The following MICU3 variants were observed in gnomAD, a reference collection of about 807,000 sequenced individuals.
MICU3 encodes the protein calcium uptake protein 3, mitochondrial.
A neutral mutation model predicts 66.5 loss-of-function variants in MICU3; 62 were observed. The ratio of observed to expected loss-of-function variants is 0.93; its 90% CI spans 0.76 to 1.15. The LOEUF is 1.15. Ranked by LOEUF, MICU3 falls within the 50% of genes most tolerant of loss-of-function variation. The probability of loss-of-function intolerance (pLI) is 0.00; values close to 1 mark genes in which losing one functional copy is unlikely to be tolerated. For synonymous variants in MICU3, 308 were observed against 240.7 expected (o/e 1.28, Z -2.59); for missense variants, 779 against 664.4 (o/e 1.17, Z -1.90).
chr8:17,057,997 G>A (rs1177927290), intron 1 of MICU3, among the ~76,000 whole-genome samples: 3 of 151,966 alleles, frequency 2.0e-5, no homozygotes, highest in African/African-American at 4.8e-5. Flanking sequence ...ACAGGCACTC[G>A]CCACCACACC....
At chr8:17,078,154 A>G (rs562896448) in intron 4 of MICU3, among the ~76,000 whole-genome samples, 25 of 152,084 alleles carry the variant, frequency 1.6e-4, no homozygotes, top group African/African-American at 5.5e-4. Flanking sequence ...TTGTTCTTCA[A>G]CCATATCAAA....
the MICU3 span, among the ~76,000 whole-genome samples, chr8:17,133,889 A>C: frequency 6.6e-6 from 1 of 152,236 alleles, no homozygotes; most frequent in Non-Finnish European, 1.5e-5. Flanking sequence ...CATTTGGACT[A>C]TCTGGCTGTT....
chr8:17,092,963 C>A (rs945602941), intron 8 of MICU3, among the ~76,000 whole-genome samples: 1 of 151,938 alleles, frequency 6.6e-6, no homozygotes, highest in Non-Finnish European at 1.5e-5. Context: ...AGCAGTGACC[C>A]GCTTGGCTTT....
chr8:17,124,665 T>C (rs1008839069), downstream of MICU3, among the ~76,000 whole-genome samples: 2 of 151,886 alleles, frequency 1.3e-5, no homozygotes, highest in Non-Finnish European at 2.9e-5. Flanking sequence ...CCATATTTCC[T>C]GAGAAAGTTG....
At chr8:17,045,151 T>C (rs1814844390) in intron 1 of MICU3, among the ~76,000 whole-genome samples, 2 of 152,128 alleles carry the variant, frequency 1.3e-5, no homozygotes, top group South Asian at 4.1e-4. Flanking sequence ...ACGAAAATGC[T>C]CAAAAATAAA....
intron 12 of MICU3, among the ~76,000 whole-genome samples, chr8:17,115,256 T>C (rs1802577520): frequency 6.6e-6 from 1 of 152,232 alleles, no homozygotes; most frequent in African/African-American, 2.4e-5. Flanking sequence ...CCTTATTCAT[T>C]TATTCATTGA....
At chr8:17,055,200 C>T (rs1816744002) in intron 1 of MICU3, among the ~76,000 whole-genome samples, 2 of 152,158 alleles carry the variant, frequency 1.3e-5, no homozygotes, top group South Asian at 4.1e-4. Context: ...TTACAGTCTG[C>T]AGGAGATGAA....
intron 1 of MICU3, among the ~76,000 whole-genome samples, chr8:17,052,283 C>T (rs558197756): frequency 6.6e-6 from 1 of 151,752 alleles, no homozygotes; most frequent in South Asian, 2.1e-4. Flanking sequence ...TACATGCATA[C>T]AGTATGTAAT....
chr8:17,134,905 C>A, the MICU3 span, among the ~76,000 whole-genome samples: 1 of 152,188 alleles, frequency 6.6e-6, no homozygotes, highest in African/African-American at 2.4e-5. Context: ...TATCTGGGCA[C>A]CAAATGGCCC....
At chr8:17,093,462 C>T (rs1411535470) in intron 8 of MICU3, among the ~76,000 whole-genome samples, 1 of 151,834 alleles carries the variant, frequency 6.6e-6, no homozygotes, top group Non-Finnish European at 1.5e-5. Context: ...GTTTGGGGTA[C>T]AGGGTTGTGT....
intron 3 of MICU3, among the ~76,000 whole-genome samples, chr8:17,073,008 A>G (rs1819837726): frequency 6.6e-6 from 1 of 151,854 alleles, no homozygotes; most frequent in South Asian, 2.1e-4. Flanking sequence ...CCCCTACCTC[A>G]GCCTCCTGAG....
the MICU3 span, among the ~76,000 whole-genome samples, chr8:17,130,038 T>C: frequency 6.6e-6 from 1 of 152,272 alleles, no homozygotes; most frequent in Non-Finnish European, 1.5e-5. Context: ...AATGGTTATA[T>C]AAAGACACCT....
intron 9 of MICU3, among the ~76,000 whole-genome samples, chr8:17,099,525 T>C (rs1256306209): frequency 6.6e-6 from 1 of 151,836 alleles, no homozygotes; most frequent in Admixed American, 6.6e-5. Context: ...TTGCTCAGTT[T>C]TAAAGTCCCA....
intron 1 of MICU3, among the ~76,000 whole-genome samples, chr8:17,058,281 G>T (rs1453515211): frequency 6.6e-6 from 1 of 152,108 alleles, no homozygotes; most frequent in Non-Finnish European, 1.5e-5. Context: ...AAGATATATT[G>T]GATCTAGGTA....
chr8:17,119,073 G>C (rs1802968161), intron 14 of MICU3, among the ~76,000 whole-genome samples: 1 of 152,076 alleles, frequency 6.6e-6, no homozygotes, highest in Non-Finnish European at 1.5e-5. Flanking sequence ...GAAAATAACA[G>C]CTTATTTGTT....
At chr8:17,042,112 CTAATTTA>C (rs1434144146) in intron 1 of MICU3, among the ~76,000 whole-genome samples, 65 of 152,248 alleles carry the variant, frequency 4.3e-4, no homozygotes, top group African/African-American at 1.4e-3. Context: ...TTTTACTATT[CTAATTTA>C]TAAGTTGTTG....
the MICU3 span, among the ~76,000 whole-genome samples, chr8:17,134,663 C>G: frequency 2.4e-3 from 372 of 152,260 alleles, 1 homozygote; most frequent in Non-Finnish European, 2.4e-3. Context: ...CCAGGATGGT[C>G]TCAATCTCCT....
chr8:17,077,717 A>G, intron 3 of MICU3, 66 bp from the exon 4 acceptor site: 1 of 1,125,160 alleles, frequency 8.9e-7, no homozygotes, highest in Non-Finnish European at 1.3e-6. Flanking sequence ...ACATTTAAAC[A>G]TGTTTTTGAT....
intron 9 of MICU3, among the ~76,000 whole-genome samples, chr8:17,101,393 G>A (rs1248723134): frequency 6.6e-6 from 1 of 151,812 alleles, no homozygotes; most frequent in Non-Finnish European, 1.5e-5. Flanking sequence ...TGGCTGAGCA[G>A]TACTCTGTTT....
Sources: gnomAD v4.1 joint callset for allele counts (sites outside exome capture counted in the v4.1 genomes callset) on GRCh38, gnomAD v4.1.1 for gene constraint, MANE v1.5 for transcripts, NCBI Gene and HGNC (gene_info 2026-07-23, HGNC 2026-07-21) for gene names.